ZFYVE26: variants seen among roughly 807,000 people sequenced by gnomAD.
ZFYVE26 encodes the protein zinc finger FYVE-type containing 26.
Under a neutral mutation model 276.5 loss-of-function variants are expected in ZFYVE26, and 181 were observed. That is an observed-to-expected ratio of 0.65 (90% CI 0.58 to 0.74). The LOEUF (loss-of-function observed/expected upper bound fraction) is 0.74, where lower values mean the gene tolerates loss of function less well. Among genes scored for constraint, ZFYVE26 ranks in the 30% least tolerant of loss-of-function variants. The pLI, the probability that ZFYVE26 is intolerant of heterozygous loss-of-function variation, is 0.00. For missense variants in ZFYVE26, 2,821 were observed against 3,097.9 expected (o/e 0.91, Z 2.12); for synonymous variants, 1,129 against 1,203.1 (o/e 0.94, Z 1.27).
intron 32 of ZFYVE26, among the ~76,000 whole-genome samples, chr14:67,765,371 AT>A (rs1246933545): frequency 6.6e-6 from 1 of 152,138 alleles, no homozygotes; most frequent in Non-Finnish European, 1.5e-5. Context: ...TGAGATCAGT[AT>A]TACTACCCCA....
intron 39 of ZFYVE26, among the ~76,000 whole-genome samples, chr14:67,753,191 T>G (rs1333580169): frequency 1.3e-5 from 2 of 152,218 alleles, no homozygotes; most frequent in Non-Finnish European, 2.9e-5. Context: ...GGTATCTGCA[T>G]GGAGCTGTGT....
In ZFYVE26 at chr14:67,798,165, G is replaced by T. The variant is rs142972003; in HGVS notation, c.2097C>A (p.Ile699=). The change falls in exon 11 of 42, where the codon ATC becomes ATA. Residue 699 remains isoleucine (I), a synonymous_variant. Coordinates refer to ENST00000347230, the MANE Select transcript of ZFYVE26 (RefSeq NM_015346.4). ...GCTTCTCAGGAGGGCTGCGGCTACT[G>T]ATCTCATCCAGTTGCTCTTGGAGAA... ...LRLLQEQLDE[I]SSRSPPEKPK... is the part of the protein sequence containing the mutation. 16 of 1,613,986 alleles carry T rather than the reference G, an allele frequency of 9.9e-6. No individual in the cohort carries two copies. The African/African-American group carries it at 1.9e-4, about 19-fold the overall frequency.
chr14:67,767,966 T>C, intron 30 of ZFYVE26, 126 bp from the exon 31 acceptor site: 1 of 1,340,924 alleles, frequency 7.5e-7, no homozygotes, highest in Non-Finnish European at 1.1e-6. Flanking sequence ...TTCTCTCTCC[T>C]TGGTTCCTTT....
intron 21 of ZFYVE26, among the ~76,000 whole-genome samples, chr14:67,782,228 C>T (rs2235963): frequency 0.63 from 95,113 of 151,986 alleles, 30,360 homozygotes; most frequent in East Asian, 0.85. Context: ...TCTGGTTACA[C>T]GTCAGAATTT....
intron 41 of ZFYVE26, among the ~76,000 whole-genome samples, chr14:67,749,485 G>T (rs1205561665): frequency 6.6e-6 from 1 of 152,088 alleles, no homozygotes; most frequent in Non-Finnish European, 1.5e-5. Flanking sequence ...GCACCCCCTG[G>T]TTAAACAGTG....
chr14:67,800,250 G>A (rs1002814877), intron 10 of ZFYVE26, among the ~76,000 whole-genome samples: 1 of 152,174 alleles, frequency 6.6e-6, no homozygotes, highest in Non-Finnish European at 1.5e-5. Context: ...ATGGTGTTTA[G>A]GATGAGAGAA....
At chr14:67,761,732 G>T in intron 34 of ZFYVE26, 148 bp from the exon 35 acceptor site, 1 of 689,788 alleles carries the variant, frequency 1.4e-6, no homozygotes, top group Non-Finnish European at 2.6e-6. Context: ...TTGTGCACAT[G>T]TACCCTAGAA....
At chr14:67,782,724 C>T in intron 21 of ZFYVE26, 56 bp downstream of exon 21, 1 of 1,605,414 alleles carries the variant, frequency 6.2e-7, no homozygotes, top group South Asian at 1.1e-5. Context: ...ATAATATACC[C>T]AGTGAATACC....
In ZFYVE26 at chr14:67,767,807, T is replaced by C; in HGVS notation, c.5687A>G (p.Tyr1896Cys). The change falls in exon 31 of 42, where the codon TAC becomes TGC. Residue 1896 changes from tyrosine to cysteine, a missense_variant. Physicochemically the swap from Tyr to Cys is radical, Grantham distance 194. Coordinates refer to ENST00000347230, the MANE Select transcript of ZFYVE26 (RefSeq NM_015346.4). ...TTTGGGGACTCTCACCACAAACGAG[T>C]ATGGAGGGCTTTCATTCTTGGAGCT... ...LDSSKNESPP[Y>C]SFVVRVPKAD... The C allele has an allele frequency of 6.2e-7, 1 of 1,614,064 alleles. No individual in the cohort carries two copies. The highest frequency in any genetic ancestry group is 8.5e-7 in the Non-Finnish European group (1 of 1,180,030).
intron 13 of ZFYVE26, chr14:67,734,059 GTTC>G (rs2038321709): frequency 2.3e-6 from 1 of 439,794 alleles, no homozygotes; most frequent in South Asian, 2.1e-5. Flanking sequence ...CCTATAGAGT[GTTC>G]TTCTCTAAGA....
chr14:67,792,823 A>G (rs1431685000), intron 14 of ZFYVE26, among the ~76,000 whole-genome samples: 1 of 148,594 alleles, frequency 6.7e-6, no homozygotes, highest in Non-Finnish European at 1.5e-5. Flanking sequence ...GAGGCAGGAG[A>G]ATCGGTTGAA....
At chr14:67,771,322 G>T (rs957320245) in intron 28 of ZFYVE26, among the ~76,000 whole-genome samples, 16 of 152,118 alleles carry the variant, frequency 1.1e-4, no homozygotes, top group African/African-American at 3.9e-4. Flanking sequence ...CTTTTTTATG[G>T]CTGCATGGTA....
intron 34 of ZFYVE26, 77 bp from the exon 35 acceptor site, chr14:67,761,661 G>C: frequency 1.5e-6 from 2 of 1,320,794 alleles, no homozygotes; most frequent in Non-Finnish European, 2.1e-6. Context: ...TGCTTGCAAA[G>C]AATATTTAAC....
chr14:67,758,171 A>G (rs1239425752), intron 35 of ZFYVE26, among the ~76,000 whole-genome samples: 1 of 152,226 alleles, frequency 6.6e-6, no homozygotes, highest in East Asian at 1.9e-4. Flanking sequence ...GCATAGTGAC[A>G]CTGGGCACAA....
chr14:67,757,726 T>C (rs1030001237), intron 35 of ZFYVE26, among the ~76,000 whole-genome samples: 4 of 151,890 alleles, frequency 2.6e-5, no homozygotes, highest in Admixed American at 6.6e-5. Flanking sequence ...TTTCTTTTTC[T>C]TTTTTTAAGA....
In ZFYVE26 at chr14:67,783,356, C is replaced by G. The variant is rs2039559219; in HGVS notation, c.3796G>C (p.Asp1266His). 6.2e-7 allele frequency: 1 copy of G among 1,613,248 alleles called. No homozygotes were observed. Among genetic ancestry groups the G allele is most frequent in the African/African-American group, 1.3e-5 (1 of 74,882 alleles). The change falls in exon 21 of 42, where the codon GAT becomes CAT. Residue 1266 changes from aspartate (D) to histidine (H), a missense_variant. By Grantham distance (81) the Asp-to-His change is moderately conservative. Transcript: ENST00000347230. Reference protein sequence around the residue: ...LAQLHASHCLDDLPLSTPSSP... With the variant: ...LAQLHASHCLHDLPLSTPSSP... The stretch of plus-strand genomic sequence containing the variant: ...CTCGGTGTAGAAAGTGGGAGGTCAT[C>G]CAGGCAGTGAGAGGCGTGTAGCTGG...
rs1024821330 is a variant in ZFYVE26 at position 67,783,516 on chromosome 14, G to C, written c.3636C>G (p.Ala1212=). 2 of 1,612,868 alleles carry C rather than the reference G, an allele frequency of 1.2e-6. No homozygotes were observed. Among genetic ancestry groups the C allele is most frequent in the African/African-American group, 2.7e-5 (2 of 74,918 alleles). Reference sequence around the variant, plus strand: ...GGCTGAGATTCTCTTGGGCCAGAAGGGCTGCCAGTCTGGAAGGAGAGAAGC... The same window carrying C: ...GGCTGAGATTCTCTTGGGCCAGAAGCGCTGCCAGTCTGGAAGGAGAGAAGC... ...ERQVPPERLA[A]LLAQENLSLS... is the part of the protein sequence containing the mutation. Residue 1212 remains alanine (A), a synonymous_variant, in exon 21 of 42, where the codon GCC becomes GCG. Transcript: ENST00000347230.
At position 67,785,291 on chromosome 14, in the gene ZFYVE26, G is replaced by A. The variant is rs1200171802; in HGVS notation, c.3305-14C>T. On this transcript the variant is annotated splice_polypyrimidine_tract_variant and intron_variant, in intron 18 of 41. Coordinates refer to ENST00000347230, the MANE Select transcript of ZFYVE26 (RefSeq NM_015346.4). ...GAGTCCTGGGCTCTGAGAGGAGGAT[G>A]GCAGGAGAAAGGACACAGGCTTCAG... is the stretch of plus-strand genomic sequence containing the variant. The A allele has an allele frequency of 2.1e-5, 33 of 1,581,126 alleles. No homozygotes were observed. Among genetic ancestry groups the A allele is most frequent in the Non-Finnish European group, 2.7e-5 (32 of 1,163,836 alleles).
At chr14:67,758,302 T>C (rs2038840360) in intron 35 of ZFYVE26, among the ~76,000 whole-genome samples, 2 of 152,116 alleles carry the variant, frequency 1.3e-5, no homozygotes, top group Admixed American at 1.3e-4. Flanking sequence ...CTAAAAGTTG[T>C]AGGTCACATT....
Sources: gnomAD v4.1 joint callset for allele counts (sites outside exome capture counted in the v4.1 genomes callset) on GRCh38, gnomAD v4.1.1 for gene constraint, MANE v1.5 for transcripts, NCBI Gene and HGNC (gene_info 2026-07-23, HGNC 2026-07-21) for gene names.